Variants in BTBD18 observed in about 807,000 individuals in gnomAD.
BTBD18 encodes the protein BTB domain containing 18, also known as BTB/POZ domain-containing protein 18.
For synonymous variants in BTBD18, 311 were observed against 324.4 expected (o/e 0.96, Z 0.44); for missense variants, 787 against 846.3 (o/e 0.93, Z 0.87).
At chr11:57,749,704 C>T (rs1486626440) in intron 2 of BTBD18, among the ~76,000 whole-genome samples, 1 of 138,578 alleles carries the variant, frequency 7.2e-6, no homozygotes, top group Admixed American at 7.9e-5. Context: ...GAGCTGAGAC[C>T]GCGCAATTGC....
upstream of BTBD18, among the ~76,000 whole-genome samples, chr11:57,752,524 C>CA (rs1171408975): frequency 0.029 from 3,415 of 116,134 alleles, 92 homozygotes; most frequent in African/African-American, 0.076. Context: ...GACTCCGTCT[C>CA]AAAAAAAAAA....
intron 2 of BTBD18, 135 bp from the exon 3 acceptor site, chr11:57,746,283 T>A: frequency 1.4e-6 from 1 of 702,172 alleles, no homozygotes; most frequent in Non-Finnish European, 2.2e-6. Context: ...AGAAAAAAAT[T>A]ATTCTTCTGC....
chr11:57,747,715 TCTTGAA>T (rs1949224919), intron 2 of BTBD18, among the ~76,000 whole-genome samples: 1 of 152,116 alleles, frequency 6.6e-6, no homozygotes, highest in African/African-American at 2.4e-5. Flanking sequence ...GCCAGGCTGA[TCTTGAA>T]CTCCTGACCT....
chr11:57,746,879 CTG>C (rs1365773419), intron 2 of BTBD18, among the ~76,000 whole-genome samples: 1 of 151,484 alleles, frequency 6.6e-6, no homozygotes, highest in Admixed American at 6.6e-5. Flanking sequence ...CAGAGGTACT[CTG>C]TAGCTATCAT....
At chr11:57,752,470 G>C (rs538963930), upstream of BTBD18, among the ~76,000 whole-genome samples, 2 of 151,636 alleles carry the variant, frequency 1.3e-5, no homozygotes, top group East Asian at 3.9e-4. Context: ...GGAGGCAGAG[G>C]TTGTAGATAG....
At chr11:57,752,152 G>C (rs1412822008), upstream of BTBD18, among the ~76,000 whole-genome samples, 2 of 152,138 alleles carry the variant, frequency 1.3e-5, no homozygotes, top group Non-Finnish European at 2.9e-5. Flanking sequence ...TTCCTTTCCT[G>C]GAATGCAGTT....
upstream of BTBD18, chr11:57,753,150 G>C (rs913494842): frequency 6.3e-6 from 1 of 159,994 alleles, no homozygotes; most frequent in Non-Finnish European, 1.3e-5. Context: ...GCGCGTCGCA[G>C]AGCCCTACGC....
rs1399123579 is a variant in BTBD18, at chr11:57,744,793, G to C, written c.1480C>G (p.Leu494Val). The C allele has an allele frequency of 3.9e-6, 6 of 1,551,614 alleles. No individual in the cohort carries two copies. The highest frequency in any genetic ancestry group is 5.2e-6 in the Non-Finnish European group (6 of 1,147,014). The change falls in exon 3 of 3, where the codon CTG becomes GTG. Residue 494 changes from leucine (L) to valine (V), a missense_variant. Leu to Val is a conservative substitution (Grantham distance 32). Transcript: ENST00000422652. ...RITSAAATSE[L>V]EEILDFMLCG... ...AGCATGAAGTCCAGGATCTCCTCCA[G>C]CTCACTGGTGGCAGCAGCACTTGTG... is the stretch of plus-strand genomic sequence containing the variant.
At position 57,744,351 on chromosome 11, in the gene BTBD18, G is replaced by C; in HGVS notation, c.1922C>G (p.Ser641Cys). The change falls in exon 3 of 3, where the codon TCC becomes TGC. Residue 641 changes from serine to cysteine, a missense_variant. Transcript: ENST00000422652. ...GTATAATAACTCATCTGTAGTCAAG[G>C]AGACTTCCAGCCCAGTCTCCACCCA... ...SNWVETGLEVSLTTDELLYPS... is the reference protein window; with the variant it reads ...SNWVETGLEVCLTTDELLYPS... The C allele has an allele frequency of 6.4e-7, 1 of 1,551,672 alleles. No individual in the cohort carries two copies. The highest frequency in any genetic ancestry group is 2.0e-5 in the Admixed American group (1 of 50,992).
At position 57,751,538 on chromosome 11, in the gene BTBD18, T is replaced by TA. The variant is rs1949311935; in HGVS notation, c.-49+2dup. The TA allele has an allele frequency of 6.2e-6, 1 of 161,602 alleles. No individual in the cohort carries two copies. Among genetic ancestry groups the TA allele is most frequent in the Non-Finnish European group, 1.3e-5 (1 of 74,552 alleles). The allele number at this position is 161,602 out of a possible 1,614,324, so 10.0% of individuals were successfully genotyped here. On this transcript the variant is annotated splice_region_variant and intron_variant, in intron 1 of 2. Transcript: ENST00000422652. ...ATCCATGAAATAGAATAATAGTACTTACCTTGTAGGGTTGTTTTAAAGATT... is the reference window on the plus strand; with the variant it reads ...ATCCATGAAATAGAATAATAGTACTTAACCTTGTAGGGTTGTTTTAAAGATT...
chr11:57,748,926 G>A (rs924435690), intron 2 of BTBD18, among the ~76,000 whole-genome samples: 12 of 151,962 alleles, frequency 7.9e-5, no homozygotes, highest in African/African-American at 2.9e-4. Context: ...TTCCTCTCTG[G>A]TCAATACATG....
intron 2 of BTBD18, among the ~76,000 whole-genome samples, chr11:57,750,368 C>G (rs757010787): frequency 6.6e-6 from 1 of 151,422 alleles, no homozygotes; most frequent in African/African-American, 2.4e-5. Context: ...CAGAGAGAGA[C>G]TCTGTCTCAA....
At chr11:57,748,269 T>C (rs761868726) in intron 2 of BTBD18, among the ~76,000 whole-genome samples, 1 of 152,220 alleles carries the variant, frequency 6.6e-6, no homozygotes. Context: ...GTTGAGTCAT[T>C]ATGTTCCATC....
At chr11:57,748,266 C>T (rs1444303370) in intron 2 of BTBD18, among the ~76,000 whole-genome samples, 3 of 152,120 alleles carry the variant, frequency 2.0e-5, no homozygotes. Context: ...TTTGTTGAGT[C>T]ATTATGTTCC....
Position 57,745,367 on chromosome 11 carries a change from ACTC to A in BTBD18, c.903_905del (p.Arg301del). 2 of 1,550,726 alleles carry A rather than the reference ACTC, an allele frequency of 1.3e-6. No homozygotes were observed. Among genetic ancestry groups the A allele is most frequent in the Non-Finnish European group, 1.7e-6 (2 of 1,146,768 alleles). On this transcript the variant is annotated inframe_deletion, in exon 3 of 3. Transcript: ENST00000422652. ...TGTCCTCTGGTGTTTCTTTATTTAC[ACTC>A]CTCTGCCGCCAAAGACGCCGGCCAG...
Position 57,745,719 on chromosome 11 carries a change from C to T in BTBD18, c.554G>A (p.Gly185Glu). ...GTTTTCCTGGGGCCCCTCTTCCTTC[C>T]CCAAGGACTTCAATCTTATTGCCCC... is the stretch of plus-strand genomic sequence containing the variant. Reference protein sequence around the residue: ...PLGAIRLKSLGKEEGPQENNR... With the variant: ...PLGAIRLKSLEKEEGPQENNR... The change falls in exon 3 of 3, where the codon GGG becomes GAG. Residue 185 changes from glycine to glutamate, a missense_variant. Coordinates refer to ENST00000422652, the MANE Select transcript of BTBD18 (RefSeq NM_001145101.3). The T allele has an allele frequency of 6.4e-7, 1 of 1,551,638 alleles. No individual in the cohort carries two copies. Among genetic ancestry groups the T allele is most frequent in the African/African-American group, 1.4e-5 (1 of 73,132 alleles).
chr11:57,745,742 C>A lies in BTBD18; in HGVS notation c.531G>T (p.Gly177=). The A allele has an allele frequency of 6.4e-7, 1 of 1,551,602 alleles. No individual in the cohort carries two copies. Among genetic ancestry groups the A allele is most frequent in the East Asian group, 2.4e-5 (1 of 40,922 alleles). ...LPTNQTPCPL[G]AIRLKSLGKE... ...TCCCCAAGGACTTCAATCTTATTGCCCCAAGAGGACAAGGAGTTTGATTAG... is the reference window on the plus strand; with the variant it reads ...TCCCCAAGGACTTCAATCTTATTGCACCAAGAGGACAAGGAGTTTGATTAG... Residue 177 remains glycine (G), a synonymous_variant, in exon 3 of 3, where the codon GGG becomes GGT. Transcript: ENST00000422652.
Position 57,745,101 on chromosome 11 carries a change from C to T in BTBD18, c.1172G>A (p.Gly391Glu), listed in dbSNP as rs1949163550. 2 of 1,550,162 alleles carry T rather than the reference C, an allele frequency of 1.3e-6. No individual in the cohort carries two copies. Among genetic ancestry groups the T allele is most frequent in the Non-Finnish European group, 1.7e-6 (2 of 1,145,794 alleles). The change falls in exon 3 of 3, where the codon GGA (glycine) becomes GAA (glutamate). Residue 391 changes from glycine to glutamate, a missense_variant. Physicochemically the swap from Gly to Glu is moderately conservative, Grantham distance 98. Transcript: ENST00000422652. ...AGTTCCTGAAGGCTCTTGGAAGTCT[C>T]CTCCGGGATCTGGGATCTGGGGGCT... ...QDSPQIPDPG[G>E]DFQEPSGTQP...
intron 2 of BTBD18, among the ~76,000 whole-genome samples, chr11:57,750,371 T>C (rs1949282791): frequency 6.6e-6 from 1 of 150,764 alleles, no homozygotes; most frequent in Non-Finnish European, 1.5e-5. Flanking sequence ...AGAGAGACTC[T>C]GTCTCAAAAA....
Sources: gnomAD v4.1 joint callset for allele counts (sites outside exome capture counted in the v4.1 genomes callset) on GRCh38, gnomAD v4.1.1 for gene constraint, MANE v1.5 for transcripts, NCBI Gene and HGNC (gene_info 2026-07-23, HGNC 2026-07-21) for gene names.